RDH11: variants seen among roughly 807,000 people sequenced by gnomAD.
RDH11 encodes HCV core-binding protein HCBP12.
A neutral mutation model predicts 33.4 loss-of-function variants in RDH11; 19 were observed. That is an observed-to-expected ratio of 0.57 (90% confidence interval 0.40 to 0.83). The LOEUF is 0.83. Ranked by LOEUF, RDH11 falls within the 40% of genes least tolerant of loss-of-function variation. The pLI is 0.00. For synonymous variants in RDH11, 154 were observed against 155.3 expected, an observed-to-expected ratio of 0.99 and a Z score of 0.06; for missense variants, 353 against 389.0, an observed-to-expected ratio of 0.91 and a Z score of 0.78.
intron 5 of RDH11, among the ~76,000 whole-genome samples, chr14:67,686,833 G>A (rs1442363194): frequency 7.2e-5 from 11 of 152,040 alleles, no homozygotes; most frequent in Admixed American, 7.2e-4. Flanking sequence ...CCTAGTACAG[G>A]AAATGTTTTG....
At position 67,678,028 on chromosome 14, in the gene RDH11, T is replaced by C. The variant is rs1333016295; in HGVS notation, c.*293A>G. On this transcript the variant is annotated 3_prime_UTR_variant, in exon 7 of 7. Coordinates refer to ENST00000381346, the MANE Select transcript of RDH11 (RefSeq NM_016026.4). ...CTATAGCTTAGATTCTCCTAGGTAG[T>C]AGTTTCTTTCAGAAGGAAAATGAGC... is the stretch of plus-strand genomic sequence containing the variant. 1.3e-5 allele frequency: 3 copies of C among 234,084 alleles called. No individual in the cohort carries two copies. Among genetic ancestry groups the C allele is most frequent in the East Asian group, 2.1e-4 (2 of 9,640 alleles). The allele number at this position is 234,084 out of a possible 1,614,324, so 14.5% of individuals were successfully genotyped here.
At position 67,677,195 on chromosome 14, in the gene RDH11, G is replaced by C. The variant is rs1314793806; in HGVS notation, c.*1126C>G. On this transcript the variant is annotated 3_prime_UTR_variant, in exon 7 of 7. Transcript: ENST00000381346. ...CCTTTGGCAGCATTACTTTTGATAA[G>C]AAGTCTCCAAATAAAATACAAAATT... The C allele has an allele frequency of 6.6e-6, 1 of 151,794 alleles. No homozygotes were observed. Among genetic ancestry groups the C allele is most frequent in the East Asian group, 2.0e-4 (1 of 5,036 alleles). 9.4% of individuals were successfully genotyped at this position (151,794 alleles called of 1,614,324 possible). A position where few individuals can be genotyped will look rare whatever the true frequency, so the allele number is the denominator to read the frequency against.
chr14:67,688,531 G>C (rs72723144), intron 5 of RDH11, among the ~76,000 whole-genome samples: 19,498 of 152,106 alleles, frequency 0.13, 1,308 homozygotes, highest in East Asian at 0.21. Flanking sequence ...GAAGAGCAGG[G>C]GGAAGAGGGG....
intron 5 of RDH11, among the ~76,000 whole-genome samples, chr14:67,688,462 G>A (rs958644851): frequency 6.6e-6 from 1 of 152,150 alleles, no homozygotes; most frequent in African/African-American, 2.4e-5. Context: ...ATATGTAAAT[G>A]CATAGGAAAA....
intron 1 of RDH11, 105 bp downstream of exon 1, chr14:67,695,525 A>G: frequency 8.8e-7 from 1 of 1,137,382 alleles, no homozygotes; most frequent in Non-Finnish European, 1.2e-6. Context: ...GCCATCTTGG[A>G]GCCCCCCCAG....
At chr14:67,683,156 T>G (rs1477846178) in intron 6 of RDH11, among the ~76,000 whole-genome samples, 3 of 152,234 alleles carry the variant, frequency 2.0e-5, no homozygotes, top group Non-Finnish European at 4.4e-5. Context: ...CGGCTGCTGT[T>G]GGATCTTCAA....
intron 4 of RDH11, chr14:67,690,805 A>G (rs768911464): frequency 7.5e-5 from 28 of 374,300 alleles, no homozygotes; most frequent in Non-Finnish European, 1.2e-4. Flanking sequence ...CAACATAGCA[A>G]GACCCTGTCT....
chr14:67,692,416 G>A (rs2037761191), intron 3 of RDH11, 22 bp downstream of exon 3: 1 of 1,612,960 alleles, frequency 6.2e-7, no homozygotes, highest in Non-Finnish European at 8.5e-7. Context: ...CCACAACATA[G>A]TCTCTCTAGT....
chr14:67,685,466 T>C (rs1459986950), intron 5 of RDH11, among the ~76,000 whole-genome samples: 1 of 152,178 alleles, frequency 6.6e-6, no homozygotes, highest in African/African-American at 2.4e-5. Flanking sequence ...ACTCATCCTC[T>C]CAGCAGCACT....
chr14:67,687,696 C>T (rs2037698206), intron 5 of RDH11, among the ~76,000 whole-genome samples: 1 of 151,858 alleles, frequency 6.6e-6, no homozygotes, highest in Non-Finnish European at 1.5e-5. Flanking sequence ...GTCTTGAACT[C>T]CTGACCTCAG....
At chr14:67,693,278 C>G (rs144459058) in intron 1 of RDH11, among the ~76,000 whole-genome samples, 421 of 152,352 alleles carry the variant, frequency 2.8e-3, no homozygotes, top group Admixed American at 4.9e-3. Flanking sequence ...AAGCTTACAG[C>G]TGTTCTCTGC....
intron 1 of RDH11, among the ~76,000 whole-genome samples, chr14:67,693,770 G>A (rs1042671717): frequency 4.6e-5 from 7 of 151,196 alleles, no homozygotes; most frequent in Non-Finnish European, 7.4e-5. Context: ...AGGTTCAAGC[G>A]ATTCTCATCC....
At chr14:67,693,228 G>A (rs941133816) in intron 1 of RDH11, among the ~76,000 whole-genome samples, 176 bp from the exon 2 acceptor site, 1 of 152,214 alleles carries the variant, frequency 6.6e-6, no homozygotes, top group African/African-American at 2.4e-5. Flanking sequence ...AAAGTTTTCT[G>A]CTTTTGCTCA....
chr14:67,690,708 G>A, intron 4 of RDH11: 1 of 429,886 alleles, frequency 2.3e-6, no homozygotes. Context: ...GGTTGGCTGG[G>A]TGCGGTGGCT....
chr14:67,679,659 C>T (rs1013526804), intron 6 of RDH11, among the ~76,000 whole-genome samples: 16 of 152,198 alleles, frequency 1.1e-4, no homozygotes, highest in Non-Finnish European at 1.5e-4. Context: ...CTGCCTCGGC[C>T]TCCCAAAGTG....
intron 6 of RDH11, 27 bp downstream of exon 6, chr14:67,684,988 A>T (rs528813453): frequency 6.4e-7 from 1 of 1,574,244 alleles, no homozygotes; most frequent in African/African-American, 1.4e-5. Context: ...AATAAATCTC[A>T]TCTGCAAAAA....
chr14:67,691,418 A>T, intron 3 of RDH11, 174 bp from the exon 4 acceptor site: 1 of 551,938 alleles, frequency 1.8e-6, no homozygotes. Context: ...GTTGAATCCC[A>T]CCTACTTTTA....
intron 6 of RDH11, among the ~76,000 whole-genome samples, chr14:67,679,843 G>A (rs1055164806): frequency 3.9e-5 from 6 of 152,170 alleles, no homozygotes; most frequent in African/African-American, 1.4e-4. Context: ...ATGATTGAAT[G>A]TATTACAATC....
At chr14:67,685,230 G>T (rs755270946) in intron 5 of RDH11, 26 bp from the exon 6 acceptor site, 6 of 1,583,320 alleles carry the variant, frequency 3.8e-6, no homozygotes, top group Middle Eastern at 1.7e-4. Flanking sequence ...ATGAAGAGAG[G>T]GTAAGACAGG....
Sources: gnomAD v4.1 joint callset for allele counts (sites outside exome capture counted in the v4.1 genomes callset) on GRCh38, gnomAD v4.1.1 for gene constraint, MANE v1.5 for transcripts, NCBI Gene and HGNC (gene_info 2026-07-23, HGNC 2026-07-21) for gene names.